FMR1NB: variants seen among roughly 807,000 people sequenced by gnomAD.
FMR1NB encodes FMR1 neighbor.
Under a neutral mutation model 16.8 loss-of-function variants are expected in FMR1NB, and 10 were observed. The ratio of observed to expected loss-of-function variants is 0.60; its 90% CI spans 0.37 to 1.01. The LOEUF is 1.01. FMR1NB is among the 50% of genes least tolerant of loss of function. The pLI is 0.01. For synonymous variants in FMR1NB, 83 were observed against 79.1 expected (o/e 1.05, Z -0.26); for missense variants, 205 against 204.8 (o/e 1.00, Z 0.00).
At chrX:148,010,973 G>A (rs2044620956) in intron 4 of FMR1NB, among the ~76,000 whole-genome samples, 1 of 111,426 alleles carries the variant, frequency 9.0e-6, no homozygotes. Context: ...GATCACCTAA[G>A]GAGCCAGCAA....
chrX:148,008,761 T>TAC, intron 4 of FMR1NB, 50 bp downstream of exon 4: 1 of 1,026,251 alleles, frequency 9.7e-7, no homozygotes, highest in Non-Finnish European at 1.4e-6. Flanking sequence ...TACATGAGTA[T>TAC]TTGTGTATAG....
intron 1 of FMR1NB, among the ~76,000 whole-genome samples, chrX:147,992,020 C>A (rs1248718160): frequency 8.9e-6 from 1 of 112,256 alleles, no homozygotes; most frequent in African/African-American, 3.2e-5. Context: ...GAATTTCTCC[C>A]AGTGCAGAAC....
At chrX:148,010,058 T>C (rs782224715) in intron 4 of FMR1NB, among the ~76,000 whole-genome samples, 1 of 111,692 alleles carries the variant, frequency 9.0e-6, no homozygotes, top group Non-Finnish European at 1.9e-5. Context: ...CCCTGTGTTA[T>C]ACCTCTGCAA....
chrX:147,992,862 G>A (rs1247482163), intron 1 of FMR1NB, among the ~76,000 whole-genome samples: 18 of 87,593 alleles, frequency 2.1e-4, no homozygotes, highest in East Asian at 1.4e-3. Flanking sequence ...ATGTGATGGC[G>A]GCTGGGAAGA....
chrX:147,997,066 G>A (rs1398216901), intron 1 of FMR1NB, among the ~76,000 whole-genome samples: 5 of 111,479 alleles, frequency 4.5e-5, no homozygotes, highest in African/African-American at 1.6e-4. Flanking sequence ...AGGCTTGTGT[G>A]CTAGCTGGTG....
intron 4 of FMR1NB, among the ~76,000 whole-genome samples, chrX:148,021,845 G>A (rs782111609): frequency 3.7e-5 from 4 of 108,474 alleles, no homozygotes; most frequent in African/African-American, 1.3e-4. Context: ...GGCCTCCAGT[G>A]TCTTTAACTC....
chrX:147,982,646 C>T (rs1316528212), intron 1 of FMR1NB, among the ~76,000 whole-genome samples: 31 of 99,303 alleles, frequency 3.1e-4, no homozygotes, highest in Middle Eastern at 6.5e-3. Context: ...GTAATCCCAG[C>T]ACTTTGGGAG....
intron 1 of FMR1NB, among the ~76,000 whole-genome samples, chrX:147,993,973 A>G: frequency 9.0e-6 from 1 of 111,211 alleles, no homozygotes; most frequent in African/African-American, 3.3e-5. Context: ...TTCCTTCCAT[A>G]ACCTTCCTAA....
At chrX:147,993,240 C>T (rs1332366657) in intron 1 of FMR1NB, among the ~76,000 whole-genome samples, 1 of 112,852 alleles carries the variant, frequency 8.9e-6, no homozygotes, top group Admixed American at 9.3e-5. Flanking sequence ...CACAGCGAAA[C>T]CCCGTCTCCA....
chrX:147,982,315 G>C (rs1301442612), intron 1 of FMR1NB, among the ~76,000 whole-genome samples: 155 of 333 alleles, frequency 0.47, no homozygotes, highest in African/African-American at 0.52. Flanking sequence ...AGGACTGGGC[G>C]CAGTGCTCAC....
intron 1 of FMR1NB, among the ~76,000 whole-genome samples, chrX:147,985,278 C>A (rs1305584483): frequency 3.6e-5 from 4 of 111,330 alleles, no homozygotes; most frequent in African/African-American, 1.3e-4. Context: ...TGAAGCCATC[C>A]GTTCCTAGAT....
intron 4 of FMR1NB, among the ~76,000 whole-genome samples, chrX:148,016,261 A>G (rs2044649259): frequency 9.1e-6 from 1 of 110,095 alleles, no homozygotes; most frequent in Non-Finnish European, 1.9e-5. Flanking sequence ...TGATGTAAGT[A>G]TAGCTACTCC....
rs1557189367 is a variant in FMR1NB, at chrX:148,008,704, T to C, written c.625T>C (p.Trp209Arg). Residue 209 changes from tryptophan (W) to arginine (R), a missense_variant, in exon 4 of 6, where the codon TGG becomes CGG. Transcript: ENST00000370467. ...CLPIYCRSLF[W>R]RSEPADDLQR... ...GCCCATTTATTGCCGCTCTCTTTTC[T>C]GGAGGAGGTAGGTGAACATAAACTT... The C allele has an allele frequency of 1.7e-6, 2 of 1,210,306 alleles. No homozygotes were observed. Among genetic ancestry groups the C allele is most frequent in the South Asian group, 1.8e-5 (1 of 56,927 alleles).
At chrX:148,005,436 G>A (rs1232249905) in intron 2 of FMR1NB, among the ~76,000 whole-genome samples, 1 of 111,007 alleles carries the variant, frequency 9.0e-6, no homozygotes, top group Non-Finnish European at 1.9e-5. Flanking sequence ...TTGACACCCA[G>A]AACTGAACAC....
At chrX:148,005,638 T>C (rs1236337710) in intron 2 of FMR1NB, among the ~76,000 whole-genome samples, 1 of 112,040 alleles carries the variant, frequency 8.9e-6, no homozygotes, top group Non-Finnish European at 1.9e-5. Flanking sequence ...CTTTATTATT[T>C]TTAAAACAGA....
rs782781440 is a variant in FMR1NB at position 147,981,418 on chromosome X, A to T, written c.16A>T (p.Arg6Trp). 5.0e-6 allele frequency: 6 copies of T among 1,209,939 alleles called. No individual in the cohort carries two copies. Among genetic ancestry groups the T allele is most frequent in the Middle Eastern group, 2.3e-4 (1 of 4,317 alleles). The change falls in exon 1 of 6, where the codon AGG becomes TGG. Residue 6 changes from arginine to tryptophan, a missense_variant. Coordinates refer to ENST00000370467, the MANE Select transcript of FMR1NB (RefSeq NM_152578.3). MSSHR[R>W]KAKGRNRRSH... ...ACCCGGAGCCATGTCTTCACATAGGAGGAAAGCGAAGGGGAGGAATAGGAG... is the reference window on the plus strand; with the variant it reads ...ACCCGGAGCCATGTCTTCACATAGGTGGAAAGCGAAGGGGAGGAATAGGAG...
Position 147,981,673 on chromosome X carries a change from T to C in FMR1NB, c.271T>C (p.Cys91Arg), listed in dbSNP as rs782434239. Residue 91 changes from cysteine to arginine, a missense_variant, in exon 1 of 6, where the codon TGC becomes CGC. By Grantham distance (180) the Cys-to-Arg change is radical. Transcript: ENST00000370467. ...FVCYYLSYYL[C>R]SGSSYFVLAN... Reference sequence around the variant, plus strand: ...GTGCTACTACCTGTCCTACTACCTGTGCTCCGGTGAGTGCTGGCTCAGGCC... The same window carrying C: ...GTGCTACTACCTGTCCTACTACCTGCGCTCCGGTGAGTGCTGGCTCAGGCC... 1 of 1,004,860 alleles carries C rather than the reference T, an allele frequency of 1.0e-6. No individual in the cohort carries two copies. The highest frequency in any genetic ancestry group is 1.9e-5 in the South Asian group (1 of 52,896). 82.8% of individuals were successfully genotyped at this position (1,004,860 alleles called of 1,213,427 possible). A position where few individuals can be genotyped will look rare whatever the true frequency, so the allele number is the denominator to read the frequency against.
intron 1 of FMR1NB, among the ~76,000 whole-genome samples, 170 bp downstream of exon 1, chrX:147,981,849 G>T: frequency 9.0e-6 from 1 of 111,483 alleles, no homozygotes; most frequent in East Asian, 2.8e-4. Flanking sequence ...TCCTTACAAA[G>T]TCCTGCCCTC....
At chrX:147,991,647 C>CTTTTTTTTTT (rs782065632) in intron 1 of FMR1NB, among the ~76,000 whole-genome samples, 43 of 87,311 alleles carry the variant, frequency 4.9e-4, no homozygotes, top group African/African-American at 2.0e-3. Context: ...GGCCTTCCTT[C>CTTTTTTTTTT]TTTTTTTTTT....
Sources: gnomAD v4.1 joint callset for allele counts (sites outside exome capture counted in the v4.1 genomes callset) on GRCh38, gnomAD v4.1.1 for gene constraint, MANE v1.5 for transcripts, NCBI Gene and HGNC (gene_info 2026-07-23, HGNC 2026-07-21) for gene names.